Variants in IFT43 observed in about 807,000 individuals in gnomAD.
IFT43 encodes intraflagellar transport 43.
In IFT43, 33 loss-of-function variants were observed where a neutral mutation model predicts 32.3. The ratio of observed to expected loss-of-function variants is 1.02; its 90% CI spans 0.77 to 1.37. IFT43 has a LOEUF of 1.37. Ranked by LOEUF, IFT43 falls within the 40% of genes most tolerant of loss-of-function variation. The pLI, the probability that IFT43 is intolerant of heterozygous loss-of-function variation, is 0.00. For missense variants in IFT43, 274 were observed against 265.9 expected, an observed-to-expected ratio of 1.03 and a Z score of -0.21; for synonymous variants, 93 against 98.2, an observed-to-expected ratio of 0.95 and a Z score of 0.31.
chr14:76,080,659 G>C (rs1477190577), intron 5 of IFT43, among the ~76,000 whole-genome samples: 56 of 152,190 alleles, frequency 3.7e-4, no homozygotes, highest in Admixed American at 3.7e-3. Context: ...GGCACAGCCA[G>C]CTTCCTCTCT....
chr14:76,039,039 A>G lies in IFT43; in HGVS notation c.215+16645A>G, dbSNP rs992687573. ...CACTGTTCATGGGCACAGATGTAAA[A>G]GTAAGCATTTGTTCATTCTGTGGAC... On this transcript the variant is annotated intron_variant, in intron 3 of 8. Coordinates refer to ENST00000314067, the MANE Select transcript of IFT43 (RefSeq NM_001102564.3). Among the ~76,000 whole-genome samples, 8 of 152,312 alleles carry G rather than the reference A, an allele frequency of 5.3e-5. No homozygotes were observed. The East Asian group carries it at 1.5e-3, about 29-fold the overall frequency.
intron 3 of IFT43, among the ~76,000 whole-genome samples, chr14:76,035,538 A>G (rs954733343): frequency 3.3e-5 from 5 of 152,166 alleles, no homozygotes; most frequent in Non-Finnish European, 7.3e-5. Flanking sequence ...TTGCCATACC[A>G]GAATCTTTTT....
intron 1 of IFT43, 58 bp downstream of exon 1, chr14:75,985,898 C>G: frequency 1.3e-6 from 2 of 1,590,120 alleles, no homozygotes; most frequent in Non-Finnish European, 1.7e-6. Flanking sequence ...GAGGAGCGAC[C>G]CCGCCGGCCC....
rs139405640 is a variant in IFT43, at chr14:76,000,155, T to A, written c.147+11178T>A. The stretch of plus-strand genomic sequence containing the variant: ...TATTAACTTTTCTCTTTAAATCAAC[T>A]TTCCTTTTATACTTAAATGCATTTA... On this transcript the variant is annotated intron_variant, in intron 2 of 8. Transcript: ENST00000314067. 1.9e-3 allele frequency among the ~76,000 whole-genome samples: 290 copies of A among 152,324 alleles called. 1 individual carries two copies. Among genetic ancestry groups the A allele is most frequent in the South Asian group, 6.8e-3 (33 of 4,824 alleles).
chr14:76,042,126 A>G (rs2036719382), intron 3 of IFT43, among the ~76,000 whole-genome samples: 1 of 151,848 alleles, frequency 6.6e-6, no homozygotes, highest in Non-Finnish European at 1.5e-5. Context: ...ACACACACAC[A>G]CGTACACACA....
At chr14:76,042,706 T>C (rs2036730138) in intron 3 of IFT43, among the ~76,000 whole-genome samples, 1 of 152,232 alleles carries the variant, frequency 6.6e-6, no homozygotes, top group Non-Finnish European at 1.5e-5. Flanking sequence ...CAATTACGCA[T>C]TGGAAATGAT....
intron 2 of IFT43, among the ~76,000 whole-genome samples, chr14:76,001,404 A>C (rs2035882771): frequency 6.6e-6 from 1 of 152,168 alleles, no homozygotes; most frequent in Non-Finnish European, 1.5e-5. Flanking sequence ...TCCTGATTGG[A>C]ACCTAGCTTC....
At chr14:76,008,252 A>G (rs960605935) in intron 2 of IFT43, among the ~76,000 whole-genome samples, 17 of 152,166 alleles carry the variant, frequency 1.1e-4, no homozygotes, top group Non-Finnish European at 7.3e-5. Flanking sequence ...TTAGAATGAA[A>G]TATGTGCAAG....
chr14:76,021,442 A>C (rs140765626), intron 2 of IFT43, among the ~76,000 whole-genome samples: 1 of 152,230 alleles, frequency 6.6e-6, no homozygotes, highest in African/African-American at 2.4e-5. Flanking sequence ...AGTCATGTAC[A>C]TATAACTCAT....
intron 5 of IFT43, chr14:76,059,731 T>A: frequency 2.8e-6 from 1 of 358,270 alleles, no homozygotes; most frequent in Non-Finnish European, 5.4e-6. Flanking sequence ...ATTTACTAGG[T>A]GTTGACTATA....
intron 3 of IFT43, among the ~76,000 whole-genome samples, chr14:76,054,614 A>T (rs566041456): frequency 6.6e-6 from 1 of 152,342 alleles, no homozygotes; most frequent in East Asian, 1.9e-4. Context: ...AGATGTGAAT[A>T]TCTTTGAAGA....
chr14:76,035,687 T>C (rs549004852), intron 3 of IFT43, among the ~76,000 whole-genome samples: 1 of 152,246 alleles, frequency 6.6e-6, no homozygotes, highest in African/African-American at 2.4e-5. Context: ...GGCTCTGTTA[T>C]AGGCTGTCCA....
intron 2 of IFT43, among the ~76,000 whole-genome samples, chr14:75,999,281 A>ATATATATATTT: frequency 2.6e-5 from 1 of 39,064 alleles, no homozygotes; most frequent in African/African-American, 1.2e-4. Flanking sequence ...ATGTATATAT[A>ATATATATATTT]TTTTTTTTTT....
At chr14:76,059,456 C>A in intron 5 of IFT43, 83 bp downstream of exon 5, 1 of 1,327,790 alleles carries the variant, frequency 7.5e-7, no homozygotes, top group Non-Finnish European at 1.1e-6. Flanking sequence ...GCACTGTTGG[C>A]TGCAGCATCA....
rs569836258 is a variant in IFT43, at chr14:76,063,088, A to G, written c.295+3715A>G. The stretch of plus-strand genomic sequence containing the variant: ...GGCAGGTCTAGAGTTAGCCCTAAAC[A>G]CTAATGCCTGGTTGTTCAATAAGAT... On this transcript the variant is annotated intron_variant, in intron 5 of 8. Transcript: ENST00000314067. Among the ~76,000 whole-genome samples, 29 of 152,262 alleles carry G rather than the reference A, an allele frequency of 1.9e-4. 1 individual carries two copies. In the South Asian group the frequency reaches 5.8e-3, roughly 30 times the overall value.
intron 2 of IFT43, among the ~76,000 whole-genome samples, chr14:76,003,498 C>T (rs751784411): frequency 1.3e-5 from 2 of 151,816 alleles, no homozygotes; most frequent in East Asian, 2.0e-4. Context: ...TGGTGACACA[C>T]GCCTGTAATC....
chr14:76,047,172 T>G (rs1007173472), intron 3 of IFT43, among the ~76,000 whole-genome samples: 3 of 152,190 alleles, frequency 2.0e-5, no homozygotes, highest in Non-Finnish European at 4.4e-5. Flanking sequence ...AGGGGCCACA[T>G]ATATTCAAAC....
chr14:76,017,777 G>T (rs1287115155), intron 2 of IFT43, among the ~76,000 whole-genome samples: 1 of 151,986 alleles, frequency 6.6e-6, no homozygotes, highest in Admixed American at 6.6e-5. Context: ...GTTCAATCTT[G>T]GTAGGTTGTA....
intron 3 of IFT43, among the ~76,000 whole-genome samples, chr14:76,024,010 A>G (rs1346958292): frequency 1.3e-5 from 2 of 152,158 alleles, no homozygotes; most frequent in Non-Finnish European, 2.9e-5. Context: ...TCTGCTTATC[A>G]CTAGAGACAG....
Sources: allele counts gnomAD v4.1 joint callset (sites outside exome capture counted in the v4.1 genomes callset), GRCh38; gene constraint gnomAD v4.1.1; transcripts MANE v1.5; gene names NCBI Gene and HGNC (gene_info 2026-07-23, HGNC 2026-07-21).